Variants in SLIT3 observed in about 807,000 individuals in gnomAD.
The protein encoded by SLIT3 is slit homolog 3 protein.
SLIT3 carries 68 observed loss-of-function variants against 184.0 expected under a neutral mutation model. The ratio of observed to expected loss-of-function variants is 0.37; its 90% confidence interval spans 0.30 to 0.45. The LOEUF (loss-of-function observed/expected upper bound fraction) is 0.45. SLIT3 is among the 20% of genes least tolerant of loss of function. The pLI, the probability that SLIT3 is intolerant of heterozygous loss-of-function variation, is 1.00. For missense variants in SLIT3, 1,707 were observed against 2,026.0 expected (o/e 0.84, Z 3.02); for synonymous variants, 831 against 828.6 (o/e 1.00, Z -0.05).
intron 5 of SLIT3, among the ~76,000 whole-genome samples, chr5:168,878,118 G>C (rs767321105): frequency 1.8e-4 from 27 of 152,068 alleles, no homozygotes; most frequent in Admixed American, 1.3e-4. Flanking sequence ...TCTCTCTAAG[G>C]GTCTCTTTCT....
intron 1 of SLIT3, among the ~76,000 whole-genome samples, chr5:169,277,273 C>A (rs1766841245): frequency 6.6e-6 from 1 of 152,134 alleles, no homozygotes; most frequent in Non-Finnish European, 1.5e-5. Flanking sequence ...CTCTGTCACC[C>A]AGGCTGGAAT....
chr5:169,135,054 C>T (rs1467650921), intron 4 of SLIT3, among the ~76,000 whole-genome samples: 2 of 152,196 alleles, frequency 1.3e-5, no homozygotes, highest in African/African-American at 2.4e-5. Context: ...CCCTTCACCA[C>T]GCATCTGTTT....
At chr5:168,988,589 A>G (rs972288839) in intron 4 of SLIT3, among the ~76,000 whole-genome samples, 37 of 152,198 alleles carry the variant, frequency 2.4e-4, no homozygotes, top group African/African-American at 8.7e-4. Flanking sequence ...GAAATAGCAA[A>G]ACAGGGCAGA....
chr5:169,259,279 G>T (rs950552985), intron 1 of SLIT3, among the ~76,000 whole-genome samples: 1 of 152,054 alleles, frequency 6.6e-6, no homozygotes, highest in Non-Finnish European at 1.5e-5. Context: ...GGCTGGTCTC[G>T]AACTCCTGAC....
chr5:169,078,793 TATC>T (rs1332621175), intron 4 of SLIT3, among the ~76,000 whole-genome samples: 1 of 152,238 alleles, frequency 6.6e-6, no homozygotes, highest in Non-Finnish European at 1.5e-5. Flanking sequence ...GTGTGGCAGA[TATC>T]ATACCAGACA....
rs542827182 is a variant in SLIT3, at chr5:168,912,555, G to A, written c.414-29219C>T. Among the ~76,000 whole-genome samples, 24 of 152,274 alleles carry A rather than the reference G, an allele frequency of 1.6e-4. 1 individual carries two copies. The South Asian group carries it at 5.0e-3, about 32-fold the overall frequency. ...GTCAAGAATTGGAACTAGACTATGT[G>A]ACTCAGGGCTCTGCCATTAGCTGCC... is the stretch of plus-strand genomic sequence containing the variant. On this transcript the variant is annotated intron_variant, in intron 4 of 35. Transcript: ENST00000519560.
chr5:169,105,370 T>C (rs1208477724), intron 4 of SLIT3, among the ~76,000 whole-genome samples: 1 of 152,232 alleles, frequency 6.6e-6, no homozygotes, highest in African/African-American at 2.4e-5. Context: ...CTTTTTCCTT[T>C]TAAACCAACG....
chr5:169,235,312 T>C (rs1171431491), intron 3 of SLIT3, among the ~76,000 whole-genome samples: 6 of 152,170 alleles, frequency 3.9e-5, no homozygotes, highest in African/African-American at 1.2e-4. Flanking sequence ...GATTAAAATA[T>C]ATGTATGTAT....
chr5:169,107,433 A>G (rs1760253438), intron 4 of SLIT3, among the ~76,000 whole-genome samples: 1 of 152,162 alleles, frequency 6.6e-6, no homozygotes. Context: ...TTTCATTGCA[A>G]GTAGATGTGG....
chr5:169,205,311 T>A (rs1764033365), intron 3 of SLIT3, among the ~76,000 whole-genome samples: 1 of 152,100 alleles, frequency 6.6e-6, no homozygotes, highest in South Asian at 2.1e-4. Flanking sequence ...ACAGAATCAG[T>A]GGGTTGGATG....
At chr5:168,696,248 G>A (rs772692091) in intron 28 of SLIT3, 44 bp downstream of exon 28, 13 of 1,610,706 alleles carry the variant, frequency 8.1e-6, no homozygotes, top group South Asian at 3.3e-5. Context: ...GTATTCTAGC[G>A]ACACCCCTCC....
chr5:168,795,893 T>C (rs552421389), intron 9 of SLIT3, among the ~76,000 whole-genome samples: 50 of 152,048 alleles, frequency 3.3e-4, no homozygotes, highest in African/African-American at 1.2e-3. Context: ...GCTGTAGAAG[T>C]AACCAAGCAG....
rs182322437 is a variant in SLIT3, at chr5:169,282,344, A to G, written c.197+18169T>C. Among the ~76,000 whole-genome samples the G allele has an allele frequency of 1.3e-4, 20 of 152,268 alleles. No homozygotes were observed. In the East Asian group the frequency reaches 3.7e-3, roughly 28 times the overall value. ...GGGAAACTGTGGACTTATGAGATGA[A>G]CCGTCTGAGCCAAGGTCACTCAGCA... On this transcript the variant is annotated intron_variant, in intron 1 of 35. Coordinates refer to ENST00000519560, the MANE Select transcript of SLIT3 (RefSeq NM_003062.4).
intron 3 of SLIT3, among the ~76,000 whole-genome samples, chr5:169,198,613 G>A (rs1474894751): frequency 6.6e-6 from 1 of 152,118 alleles, no homozygotes; most frequent in African/African-American, 2.4e-5. Context: ...GTTTGAGCAA[G>A]GGAGTGATAA....
intron 1 of SLIT3, among the ~76,000 whole-genome samples, chr5:169,279,830 C>T (rs555774026): frequency 1.3e-5 from 2 of 152,288 alleles, no homozygotes; most frequent in African/African-American, 4.8e-5. Context: ...CTTTGTTCCT[C>T]ATCTATAAAA....
intron 4 of SLIT3, among the ~76,000 whole-genome samples, chr5:169,145,208 T>C (rs1044480037): frequency 6.6e-6 from 1 of 152,150 alleles, no homozygotes; most frequent in Non-Finnish European, 1.5e-5. Flanking sequence ...ATTGCCGGGC[T>C]CTGGAGAAAC....
intron 6 of SLIT3, among the ~76,000 whole-genome samples, chr5:168,843,240 G>A (rs889100488): frequency 3.9e-5 from 6 of 152,066 alleles, no homozygotes; most frequent in Non-Finnish European, 5.9e-5. Flanking sequence ...CTCAAATAAT[G>A]TGGAGAGGCT....
intron 4 of SLIT3, among the ~76,000 whole-genome samples, chr5:169,025,620 C>A (rs1427086666): frequency 1.3e-5 from 2 of 152,296 alleles, no homozygotes; most frequent in East Asian, 3.9e-4. Context: ...TGTAAGGAAA[C>A]TAAGAGATGC....
At chr5:168,666,852 A>G (rs770258870) in intron 35 of SLIT3, 163 bp from the exon 36 acceptor site, 36 of 1,171,230 alleles carry the variant, frequency 3.1e-5, no homozygotes, top group Non-Finnish European at 4.3e-5. Flanking sequence ...CATCTATTTT[A>G]CAAACAGGTG....
Sources: allele counts gnomAD v4.1 joint callset (sites outside exome capture counted in the v4.1 genomes callset), GRCh38; gene constraint gnomAD v4.1.1; transcripts MANE v1.5; gene names NCBI Gene and HGNC (gene_info 2026-07-23, HGNC 2026-07-21).